HSP90B1: variants seen among roughly 807,000 people sequenced by gnomAD.
The protein encoded by HSP90B1 is endoplasmin.
Under a neutral mutation model 100.4 loss-of-function variants are expected in HSP90B1, and 27 were observed. The observed-to-expected ratio is 0.27, with a 90% CI of 0.20 to 0.37. HSP90B1 has a LOEUF of 0.37. Ranked by LOEUF, HSP90B1 falls within the 10% of genes least tolerant of loss-of-function variation. The probability of loss-of-function intolerance (pLI) is 1.00; values close to 1 mark genes in which losing one functional copy is unlikely to be tolerated. For synonymous variants in HSP90B1, 304 were observed against 330.8 expected, an observed-to-expected ratio of 0.92 and a Z score of 0.88; for missense variants, 678 against 960.5, an observed-to-expected ratio of 0.71 and a Z score of 3.89.
At position 103,943,251 on chromosome 12, in the gene HSP90B1, C is replaced by T. The variant is rs752636677; in HGVS notation, c.1822C>T (p.Arg608Cys). ...TGAAAGTGAGAAAACTAAGGAGAGT[C>T]GTGAAGCAGTTGAGAAAGAATTTGA... is the stretch of plus-strand genomic sequence containing the variant. The part of the protein sequence containing the change: ...FDESEKTKES[R>C]EAVEKEFEPL... Residue 608 changes from arginine (R) to cysteine (C), a missense_variant, in exon 13 of 18, where the codon CGT becomes TGT. Transcript: ENST00000299767. This position sits in a 1 kb window ranked among gnomAD's most constrained non-coding sequence, Gnocchi z 5.3. The T allele has an allele frequency of 4.3e-6, 7 of 1,613,768 alleles. No individual in the cohort carries two copies. In the African/African-American group the frequency reaches 6.7e-5, roughly 15 times the overall value.
rs192875339 is a variant in HSP90B1 at position 103,938,687 on chromosome 12, A to G, written c.975+228A>G. 5.2e-3 allele frequency: 1,646 copies of G among 315,944 alleles called. 8 individuals are homozygous for G. Among genetic ancestry groups the G allele is most frequent in the Non-Finnish European group, 7.3e-3 (1,241 of 169,158 alleles). The allele number at this position is 315,944 out of a possible 1,614,324, so 19.6% of individuals were successfully genotyped here. ...TTTTATGAAGAGTTTTCTAACTTTTATATATTGCCTAGGACTGGTGGCTTA... is the reference window on the plus strand; with the variant it reads ...TTTTATGAAGAGTTTTCTAACTTTTGTATATTGCCTAGGACTGGTGGCTTA... On this transcript the variant is annotated intron_variant, in intron 7 of 17. Transcript: ENST00000299767.
intron 2 of HSP90B1, 131 bp downstream of exon 2, chr12:103,931,754 T>C: frequency 1.4e-6 from 1 of 716,662 alleles, no homozygotes; most frequent in Non-Finnish European, 2.5e-6. Flanking sequence ...ACCCGGTGAG[T>C]TGTGTGCATA....
In HSP90B1 at chr12:103,947,654, G is replaced by T. The variant is rs1340884541; in HGVS notation, c.2404G>T (p.Glu802Ter). 6.3e-7 allele frequency: 1 copy of T among 1,594,094 alleles called. No homozygotes were observed. Among genetic ancestry groups the T allele is most frequent in the Admixed American group, 1.7e-5 (1 of 58,764 alleles). Residue 802 changes from glutamate to a stop codon, truncating the protein, a stop_gained, in exon 18 of 18, where the codon GAA (glutamate) becomes TAA (stop). Transcript: ENST00000299767. LOFTEE classifies it high-confidence loss of function. ...TAKESTAEKD[E>*]L ...ACAGGAATCTACAGCTGAAAAAGATGAATTGTAAATTATACTCTCACCATT... is the reference window on the plus strand; with the variant it reads ...ACAGGAATCTACAGCTGAAAAAGATTAATTGTAAATTATACTCTCACCATT...
chr12:103,943,504 G>A lies in HSP90B1; in HGVS notation c.1890+185G>A. The A allele has an allele frequency of 1.4e-6, 1 of 695,994 alleles. No homozygotes were observed. The highest frequency in any genetic ancestry group is 2.3e-6 in the Non-Finnish European group (1 of 432,008). The allele number at this position is 695,994 out of a possible 1,614,324, so 43.1% of individuals were successfully genotyped here. A position where few individuals can be genotyped will look rare whatever the true frequency, so the allele number is the denominator to read the frequency against. ...GACAATACTGCTTTGTTAATAACTT[G>A]TTACAAATTAAATTTTATGTTTTTA... On this transcript the variant is annotated intron_variant, in intron 13 of 17. Coordinates refer to ENST00000299767, the MANE Select transcript of HSP90B1 (RefSeq NM_003299.3). The surrounding 1 kb of genome is among the most constrained non-coding windows in gnomAD (Gnocchi z 5.3).
chr12:103,931,329 A>G (rs764799908), intron 1 of HSP90B1, among the ~76,000 whole-genome samples, 192 bp from the exon 2 acceptor site: 6 of 152,214 alleles, frequency 3.9e-5, no homozygotes, highest in Non-Finnish European at 8.8e-5. Context: ...GATCTACTGG[A>G]GACTTCAGCA....
chr12:103,930,633 C>A lies in HSP90B1; in HGVS notation c.49+69C>A. ...GGCCGCTTCTCGAAGGTCCTGGGGG[C>A]GTTGAACGTGGGAGGGGGGATCCCG... On this transcript the variant is annotated intron_variant, in intron 1 of 17. Transcript: ENST00000299767. The surrounding 1 kb of genome is among the most constrained non-coding windows in gnomAD (Gnocchi z 4.4). 2 of 1,490,482 alleles carry A rather than the reference C, an allele frequency of 1.3e-6. No homozygotes were observed. The highest frequency in any genetic ancestry group is 9.1e-7 in the Non-Finnish European group (1 of 1,097,824). 92.3% of individuals were successfully genotyped at this position (1,490,482 alleles called of 1,614,324 possible). A position where few individuals can be genotyped will look rare whatever the true frequency, so the allele number is the denominator to read the frequency against.
chr12:103,946,201 GTTGA>G (rs1253782936), intron 14 of HSP90B1, among the ~76,000 whole-genome samples: 1 of 151,992 alleles, frequency 6.6e-6, no homozygotes, highest in Non-Finnish European at 1.5e-5. Context: ...TCAATCCGAG[GTTGA>G]TTGACTCTGC....
At chr12:103,941,947 C>G (rs771882909) in intron 11 of HSP90B1, 50 bp downstream of exon 11, 1 of 1,393,282 alleles carries the variant, frequency 7.2e-7, no homozygotes, top group Non-Finnish European at 1.0e-6. Flanking sequence ...GATTGGGGTT[C>G]AGAGGACAGG....
Position 103,946,769 on chromosome 12 carries a change from A to T in HSP90B1, c.2107-17A>T. ...GTATCTTTTAATATTAATCTAGTGC[A>T]TCTTCTTGCATTTCAGGAAGATGAA... On this transcript the variant is annotated splice_polypyrimidine_tract_variant and intron_variant, in intron 15 of 17. Coordinates refer to ENST00000299767, the MANE Select transcript of HSP90B1 (RefSeq NM_003299.3). 6.2e-7 allele frequency: 1 copy of T among 1,613,812 alleles called. No individual in the cohort carries two copies. The highest frequency in any genetic ancestry group is 8.5e-7 in the Non-Finnish European group (1 of 1,179,874).
intron 14 of HSP90B1, among the ~76,000 whole-genome samples, chr12:103,944,708 C>G (rs972691093): frequency 6.6e-6 from 1 of 152,148 alleles, no homozygotes; most frequent in African/African-American, 2.4e-5. Context: ...AGGCACCTGT[C>G]AGCACACCCG....
rs1375491950 is a variant in HSP90B1 at position 103,941,536 on chromosome 12, G to T, written c.1219G>T (p.Asp407Tyr). Residue 407 changes from aspartate (D) to tyrosine (Y), a missense_variant, in exon 9 of 18, where the codon GAT becomes TAT. Asp to Tyr is a radical substitution (Grantham distance 160, BLOSUM62 -3). Transcript: ENST00000299767. ...TGACGAATATGGATCTAAAAAGAGC[G>T]ATTACATTAAGGTGAGTTTTTAAGT... ...LFDEYGSKKS[D>Y]YIKLYVRRVF... The T allele has an allele frequency of 6.2e-7, 1 of 1,613,972 alleles. No individual in the cohort carries two copies. The highest frequency in any genetic ancestry group is 1.3e-5 in the African/African-American group (1 of 74,910).
intron 8 of HSP90B1, among the ~76,000 whole-genome samples, chr12:103,940,507 T>C (rs920518769): frequency 1.3e-5 from 2 of 152,222 alleles, no homozygotes; most frequent in Admixed American, 6.5e-5. Flanking sequence ...ATTCTGTGTC[T>C]GTATTTGTTC....
At position 103,943,508 on chromosome 12, in the gene HSP90B1, C is replaced by A; in HGVS notation, c.1890+189C>A. On this transcript the variant is annotated intron_variant, in intron 13 of 17. Transcript: ENST00000299767. The surrounding 1 kb of genome is among the most constrained non-coding windows in gnomAD (Gnocchi z 5.3). ...ATACTGCTTTGTTAATAACTTGTTA[C>A]AAATTAAATTTTATGTTTTTAAAAG... 1.4e-6 allele frequency: 1 copy of A among 698,618 alleles called. No homozygotes were observed. Among genetic ancestry groups the A allele is most frequent in the Non-Finnish European group, 2.3e-6 (1 of 435,036 alleles). The allele number at this position is 698,618 out of a possible 1,614,324, so 43.3% of individuals were successfully genotyped here. A position where few individuals can be genotyped will look rare whatever the true frequency, so the allele number is the denominator to read the frequency against.
At position 103,937,921 on chromosome 12, in the gene HSP90B1, C is replaced by T. The variant is rs1269210311; in HGVS notation, c.855+115C>T. ...GTGGCTCATGCTTGTAATCCCCGCACTTTGGGAGGCCGAGACAGGTGGATC... is the reference window on the plus strand; with the variant it reads ...GTGGCTCATGCTTGTAATCCCCGCATTTTGGGAGGCCGAGACAGGTGGATC... On this transcript the variant is annotated intron_variant, in intron 6 of 17. Coordinates refer to ENST00000299767, the MANE Select transcript of HSP90B1 (RefSeq NM_003299.3). 8 of 577,292 alleles carry T rather than the reference C, an allele frequency of 1.4e-5. No individual in the cohort carries two copies. In the African/African-American group the frequency reaches 1.5e-4, roughly 11 times the overall value. The allele number at this position is 577,292 out of a possible 1,614,324, so 35.8% of individuals were successfully genotyped here. A position where few individuals can be genotyped will look rare whatever the true frequency, so the allele number is the denominator to read the frequency against.
At chr12:103,941,141 G>T (rs1166371675) in intron 8 of HSP90B1, among the ~76,000 whole-genome samples, 1 of 152,138 alleles carries the variant, frequency 6.6e-6, no homozygotes, top group Admixed American at 6.5e-5. Flanking sequence ...CCTTCCTTCT[G>T]AGAGTTTAGG....
At chr12:103,931,224 G>C (rs1249386894) in intron 1 of HSP90B1, among the ~76,000 whole-genome samples, 1 of 152,216 alleles carries the variant, frequency 6.6e-6, no homozygotes, top group African/African-American at 2.4e-5. Flanking sequence ...CAACACGTGT[G>C]GGTGTAGAAG....
chr12:103,944,745 G>A (rs534166866), intron 14 of HSP90B1, among the ~76,000 whole-genome samples: 3 of 152,030 alleles, frequency 2.0e-5, no homozygotes, highest in African/African-American at 4.8e-5. Context: ...TAGTAGAGAC[G>A]GTGTTTCACC....
intron 2 of HSP90B1, 50 bp from the exon 3 acceptor site, chr12:103,932,227 T>A: frequency 6.7e-7 from 1 of 1,493,952 alleles, no homozygotes; most frequent in Non-Finnish European, 9.0e-7. Context: ...CCTCTAGTTT[T>A]GAAGGGAACT....
rs749946061 is a variant in HSP90B1, at chr12:103,941,714, T to C, written c.1308+8T>C. 14 of 1,613,502 alleles carry C rather than the reference T, an allele frequency of 8.7e-6. No homozygotes were observed. Among genetic ancestry groups the C allele is most frequent in the Non-Finnish European group, 1.1e-5 (13 of 1,179,416 alleles). ...AATTTTGTCAAGGGTGTGGTAAGTA[T>C]CTGAAGTTTGGGAGAAGGGGTGATT... is the stretch of plus-strand genomic sequence containing the variant. On this transcript the variant is annotated splice_region_variant and intron_variant, in intron 10 of 17. Transcript: ENST00000299767.
Sources: allele counts gnomAD v4.1 joint callset (sites outside exome capture counted in the v4.1 genomes callset), GRCh38; gene constraint gnomAD v4.1.1; non-coding constraint Gnocchi (gnomAD v3.1); transcripts MANE v1.5; gene names NCBI Gene and HGNC (gene_info 2026-07-23, HGNC 2026-07-21).